Variants in ATP2B2 observed in about 807,000 individuals in gnomAD.
ATP2B2 encodes the protein plasma membrane calcium-transporting ATPase 2.
A neutral mutation model predicts 120.0 loss-of-function variants in ATP2B2; 15 were observed. The observed-to-expected ratio is 0.12, with a 90% CI of 0.08 to 0.19. The LOEUF is 0.19. Ranked by LOEUF, ATP2B2 falls within the 10% of genes least tolerant of loss-of-function variation. The pLI is 1.00. For missense variants in ATP2B2, 1,045 were observed against 1,719.8 expected (o/e 0.61, Z 6.94); for synonymous variants, 694 against 700.3 (o/e 0.99, Z 0.14).
At position 10,348,806 on chromosome 3, in the gene ATP2B2, T is replaced by G. The variant is rs184747614; in HGVS notation, c.2404+1306A>C. Among the ~76,000 whole-genome samples, 1,142 of 152,302 alleles carry G rather than the reference T, an allele frequency of 7.5e-3. 43 individuals are homozygous for G. Among genetic ancestry groups the G allele is most frequent in the Non-Finnish European group, 3.6e-3 (244 of 68,016 alleles). ...TGCCTGCTGCGTGCAGCCTGGCCCA[T>G]GAATTCCACGTGGGCAGGACCAGGC... On this transcript the variant is annotated intron_variant, in intron 16 of 22. Coordinates refer to ENST00000360273, the MANE Select transcript of ATP2B2 (RefSeq NM_001001331.4).
chr3:10,450,720 G>A (rs367946965), intron 1 of ATP2B2, among the ~76,000 whole-genome samples: 6 of 152,234 alleles, frequency 3.9e-5, no homozygotes, highest in Non-Finnish European at 7.3e-5. Flanking sequence ...GCGGCTTCCC[G>A]TCCCTCTCTG....
chr3:10,434,825 A>C (rs1479328266), intron 2 of ATP2B2, among the ~76,000 whole-genome samples: 1 of 152,264 alleles, frequency 6.6e-6, no homozygotes, highest in Non-Finnish European at 1.5e-5. Flanking sequence ...AAGGAGGCAG[A>C]TGAGTGAGGC....
chr3:10,460,125 C>G (rs2064426571), intron 1 of ATP2B2, among the ~76,000 whole-genome samples: 1 of 152,212 alleles, frequency 6.6e-6, no homozygotes, highest in African/African-American at 2.4e-5. Flanking sequence ...GAATGAAGTG[C>G]TGATGGATGG....
At chr3:10,664,519 G>A (rs1007608436) in intron 1 of ATP2B2, among the ~76,000 whole-genome samples, 1 of 152,146 alleles carries the variant, frequency 6.6e-6, no homozygotes, top group East Asian at 1.9e-4. Flanking sequence ...CCTCTGGAAG[G>A]CTCCTTGGTC....
At chr3:10,332,915 G>A (rs1293315611) in intron 22 of ATP2B2, among the ~76,000 whole-genome samples, 2 of 152,170 alleles carry the variant, frequency 1.3e-5, no homozygotes, top group Non-Finnish European at 2.9e-5. Flanking sequence ...AAGGCAATAG[G>A]GACGTGCCAT....
chr3:10,499,065 C>A (rs2066274558), intron 1 of ATP2B2, among the ~76,000 whole-genome samples: 1 of 152,148 alleles, frequency 6.6e-6, no homozygotes, highest in Non-Finnish European at 1.5e-5. Flanking sequence ...GCTACCTGCC[C>A]AAGGTCACAC....
At chr3:10,332,125 G>T (rs566221406) in intron 22 of ATP2B2, 5 of 1,199,276 alleles carry the variant, frequency 4.2e-6, no homozygotes, top group East Asian at 5.1e-5. Flanking sequence ...CCAACCCAAG[G>T]TTGCACTAAA....
chr3:10,548,849 C>A (rs892825467), intron 2 of ATP2B2, among the ~76,000 whole-genome samples: 1 of 152,164 alleles, frequency 6.6e-6, no homozygotes, highest in Non-Finnish European at 1.5e-5. Flanking sequence ...ACTTTCCCAG[C>A]GTAACATGGA....
At chr3:10,576,910 C>A (rs559286604) in intron 2 of ATP2B2, among the ~76,000 whole-genome samples, 2 of 151,914 alleles carry the variant, frequency 1.3e-5, no homozygotes, top group Non-Finnish European at 2.9e-5. Context: ...TAAAATTAGC[C>A]TGGTATGGTG....
chr3:10,507,103 G>A (rs2066653544), upstream of ATP2B2, among the ~76,000 whole-genome samples: 1 of 152,096 alleles, frequency 6.6e-6, no homozygotes, highest in African/African-American at 2.4e-5. Context: ...GGAGGATGCT[G>A]CGAAGCTACG....
At chr3:10,332,062 T>C in intron 22 of ATP2B2, 2 of 1,547,898 alleles carry the variant, frequency 1.3e-6, no homozygotes, top group Non-Finnish European at 1.7e-6. Flanking sequence ...ACATGGAATA[T>C]TCAGACAGTG....
At chr3:10,447,440 C>A (rs1481203485) in intron 2 of ATP2B2, among the ~76,000 whole-genome samples, 1 of 152,058 alleles carries the variant, frequency 6.6e-6, no homozygotes, top group African/African-American at 2.4e-5. Flanking sequence ...GGGTCCACAA[C>A]CCTGCTTTGA....
chr3:10,370,776 G>A (rs777955929), intron 12 of ATP2B2, among the ~76,000 whole-genome samples: 3 of 152,180 alleles, frequency 2.0e-5, no homozygotes, highest in African/African-American at 7.2e-5. Context: ...CACATTGGGA[G>A]GGTAAACAAA....
chr3:10,530,631 G>A (rs1234912211), intron 3 of ATP2B2, among the ~76,000 whole-genome samples: 4 of 152,170 alleles, frequency 2.6e-5, no homozygotes, highest in Non-Finnish European at 5.9e-5. Flanking sequence ...GAGCAGGATT[G>A]CAGGGAAAAG....
At chr3:10,585,840 C>G (rs2068498299) in intron 2 of ATP2B2, among the ~76,000 whole-genome samples, 1 of 152,172 alleles carries the variant, frequency 6.6e-6, no homozygotes, top group African/African-American at 2.4e-5. Flanking sequence ...GTAGTGCCCT[C>G]AAAACTAACT....
intron 1 of ATP2B2, among the ~76,000 whole-genome samples, chr3:10,679,047 C>G (rs956530443): frequency 2.6e-5 from 4 of 152,060 alleles, no homozygotes; most frequent in African/African-American, 4.8e-5. Flanking sequence ...CTCCTGCTGG[C>G]CTTAGAGAGA....
chr3:10,622,261 T>C (rs1483727387), intron 1 of ATP2B2, among the ~76,000 whole-genome samples: 2 of 152,192 alleles, frequency 1.3e-5, no homozygotes, highest in African/African-American at 4.8e-5. Context: ...CGGGGACTTT[T>C]GGGATGAAAG....
intron 1 of ATP2B2, among the ~76,000 whole-genome samples, chr3:10,627,624 G>A (rs567308113): frequency 6.6e-6 from 1 of 152,196 alleles, no homozygotes; most frequent in Non-Finnish European, 1.5e-5. Flanking sequence ...GCAAGGTCGG[G>A]TGTAATAGAT....
At chr3:10,506,114 C>G (rs371570163), upstream of ATP2B2, among the ~76,000 whole-genome samples, 2 of 152,058 alleles carry the variant, frequency 1.3e-5, no homozygotes, top group Non-Finnish European at 2.9e-5. Context: ...ACCCCCAGAC[C>G]TGGGGGGCAA....
Sources: allele counts gnomAD v4.1 joint callset (sites outside exome capture counted in the v4.1 genomes callset), GRCh38; gene constraint gnomAD v4.1.1; transcripts MANE v1.5; gene names NCBI Gene and HGNC (gene_info 2026-07-23, HGNC 2026-07-21).